The following USP34 variants were observed in gnomAD, a reference collection of about 807,000 sequenced individuals.
USP34 encodes the protein ubiquitin carboxyl-terminal hydrolase 34.
A neutral mutation model predicts 460.3 loss-of-function variants in USP34; 70 were observed. The ratio of observed to expected loss-of-function variants is 0.15; its 90% confidence interval spans 0.13 to 0.19. USP34 has a LOEUF of 0.19. USP34 is among the 10% of genes least tolerant of loss of function. The probability of loss-of-function intolerance (pLI) is 1.00; values close to 1 mark genes in which losing one functional copy is unlikely to be tolerated. For missense variants in USP34, 3,985 were observed against 4,236.2 expected (o/e 0.94, Z 1.65); for synonymous variants, 1,647 against 1,405.3 (o/e 1.17, Z -3.85).
At chr2:61,238,009 C>T (rs1007327710) in intron 53 of USP34, among the ~76,000 whole-genome samples, 1 of 151,892 alleles carries the variant, frequency 6.6e-6, no homozygotes, top group Non-Finnish European at 1.5e-5. Context: ...GATTCTCTTG[C>T]CTCAGCCTCC....
chr2:61,416,405 G>A lies in USP34; in HGVS notation c.131+4341C>T, dbSNP rs567814765. ...AAACCTGACAGAGAACCTCACCCTG[G>A]CTGGCGTCCAGAGTTCTTATATAGA... On this transcript the variant is annotated intron_variant, in intron 2 of 79. Coordinates refer to ENST00000398571, the MANE Select transcript of USP34 (RefSeq NM_014709.4). Among the ~76,000 whole-genome samples the A allele has an allele frequency of 5.3e-5, 8 of 152,222 alleles. No homozygotes were observed. In the South Asian group the frequency reaches 1.7e-3, roughly 32 times the overall value.
chr2:61,403,868 CTG>C (rs1193464682), intron 3 of USP34, among the ~76,000 whole-genome samples: 2 of 151,910 alleles, frequency 1.3e-5, no homozygotes, highest in East Asian at 3.9e-4. Context: ...TGGCGGGCAC[CTG>C]TACTCCCAGC....
chr2:61,213,711 C>A (rs1160078579), intron 68 of USP34, among the ~76,000 whole-genome samples: 1 of 152,172 alleles, frequency 6.6e-6, no homozygotes, highest in Non-Finnish European at 1.5e-5. Context: ...TGCTAAGTAT[C>A]TGATTTTTAA....
At chr2:61,212,374 G>GC (rs1284245684) in intron 68 of USP34, among the ~76,000 whole-genome samples, 1 of 152,258 alleles carries the variant, frequency 6.6e-6, no homozygotes, top group East Asian at 1.9e-4. Context: ...CCAGAGGCAT[G>GC]CCACACCATC....
intron 53 of USP34, among the ~76,000 whole-genome samples, chr2:61,238,192 A>G (rs1442335290): frequency 6.6e-6 from 1 of 152,060 alleles, no homozygotes; most frequent in East Asian, 1.9e-4. Flanking sequence ...CAACGTGCCC[A>G]GCCTTACCCT....
chr2:61,252,048 G>A (rs1270252792), intron 48 of USP34, among the ~76,000 whole-genome samples: 1 of 151,500 alleles, frequency 6.6e-6, no homozygotes, highest in African/African-American at 2.4e-5. Context: ...AAAATAAAAT[G>A]TTATGGTAGA....
intron 10 of USP34, among the ~76,000 whole-genome samples, chr2:61,364,330 C>T (rs1031658222): frequency 6.6e-6 from 1 of 152,200 alleles, no homozygotes; most frequent in Non-Finnish European, 1.5e-5. Flanking sequence ...TGTGCTGCTG[C>T]ATCCAGCCCA....
chr2:61,360,830 T>G (rs1490314425), intron 10 of USP34, among the ~76,000 whole-genome samples: 3 of 152,188 alleles, frequency 2.0e-5, no homozygotes, highest in Non-Finnish European at 2.9e-5. Context: ...TAGTTTTTTG[T>G]ATTTTTGGTA....
rs192668259 is a variant in USP34, at chr2:61,236,099, G to T, written c.6919-26C>A. The T allele has an allele frequency of 9.5e-4, 1,516 of 1,596,082 alleles. 1 individual carries two copies. Among genetic ancestry groups the T allele is most frequent in the Non-Finnish European group, 1.1e-3 (1,330 of 1,175,186 alleles). On this transcript the variant is annotated intron_variant, in intron 55 of 79. Coordinates refer to ENST00000398571, the MANE Select transcript of USP34 (RefSeq NM_014709.4). ...CTGTAAGAAAAGATAAAGCAAAAAAGCTTCAATCATTTTAAAGTAGTAAAT... is the reference window on the plus strand; with the variant it reads ...CTGTAAGAAAAGATAAAGCAAAAAATCTTCAATCATTTTAAAGTAGTAAAT...
At chr2:61,224,977 G>A (rs1480284107) in intron 62 of USP34, among the ~76,000 whole-genome samples, 1 of 152,066 alleles carries the variant, frequency 6.6e-6, no homozygotes, top group Non-Finnish European at 1.5e-5. Context: ...TTTTTCCAAG[G>A]AACCCCAATT....
intron 68 of USP34, 53 bp downstream of exon 68, chr2:61,214,006 AG>A: frequency 9.4e-6 from 15 of 1,592,640 alleles, no homozygotes; most frequent in Non-Finnish European, 1.3e-5. Flanking sequence ...GGGGAAAAAC[AG>A]GTATTTCCAA....
Position 61,350,595 on chromosome 2 carries a change from A to C in USP34, c.1350T>G (p.Ala450=). 2 of 1,613,078 alleles carry C rather than the reference A, an allele frequency of 1.2e-6. No homozygotes were observed. Among genetic ancestry groups the C allele is most frequent in the South Asian group, 2.2e-5 (2 of 90,766 alleles). The change falls in exon 11 of 80, where the codon GCT becomes GCG. Residue 450 remains alanine, a synonymous_variant. Coordinates refer to ENST00000398571, the MANE Select transcript of USP34 (RefSeq NM_014709.4). ...GTTCAGTATGAACACTTGGCTCAAG[A>C]GCTGAGACCAGATTAAGTAGATGTC... ...PLRHLLNLVS[A]LEPSVHTEQT...
At chr2:61,430,612 T>C (rs552281900) in intron 1 of USP34, among the ~76,000 whole-genome samples, 27 of 152,282 alleles carry the variant, frequency 1.8e-4, no homozygotes, top group African/African-American at 5.3e-4. Context: ...ACTAACCTTA[T>C]TGTATGTAAA....
At chr2:61,228,164 TATCTC>T (rs1321489141) in intron 61 of USP34, among the ~76,000 whole-genome samples, 1 of 152,214 alleles carries the variant, frequency 6.6e-6, no homozygotes, top group African/African-American at 2.4e-5. Flanking sequence ...AAAGGGTACT[TATCTC>T]TTATGGTTAA....
chr2:61,404,029 A>T (rs946808542), intron 3 of USP34, among the ~76,000 whole-genome samples: 11 of 149,720 alleles, frequency 7.3e-5, no homozygotes, highest in African/African-American at 2.7e-4. Context: ...GCTTTAGAAC[A>T]GTAAGGAAAG....
chr2:61,364,030 C>A (rs1362923224), intron 10 of USP34, among the ~76,000 whole-genome samples: 1 of 152,078 alleles, frequency 6.6e-6, no homozygotes, highest in Non-Finnish European at 1.5e-5. Flanking sequence ...TATTATGATT[C>A]CACTTATAGA....
At chr2:61,386,225 G>A (rs1693140771) in intron 5 of USP34, among the ~76,000 whole-genome samples, 1 of 152,066 alleles carries the variant, frequency 6.6e-6, no homozygotes, top group South Asian at 2.1e-4. Context: ...ACTTTTGGAG[G>A]CCAAGATGGA....
chr2:61,294,352 A>C (rs1485949084), intron 32 of USP34, among the ~76,000 whole-genome samples: 1 of 134,582 alleles, frequency 7.4e-6, no homozygotes, highest in Non-Finnish European at 1.6e-5. Context: ...TTTCAAAAAA[A>C]AAAAATTTAT....
rs544831535 is a variant in USP34 at position 61,340,370 on chromosome 2, T to C, written c.2501-689A>G. Among the ~76,000 whole-genome samples the C allele has an allele frequency of 2.6e-5, 4 of 152,322 alleles. No individual in the cohort carries two copies. The South Asian group carries it at 8.3e-4, about 32-fold the overall frequency. On this transcript the variant is annotated intron_variant, in intron 16 of 79. Coordinates refer to ENST00000398571, the MANE Select transcript of USP34 (RefSeq NM_014709.4). ...ATTATTAACAAAACTACCATAAACA[T>C]CTGTGTAACAAGTTTTGCATCATTT...
Sources: gnomAD v4.1 joint callset for allele counts (sites outside exome capture counted in the v4.1 genomes callset) on GRCh38, gnomAD v4.1.1 for gene constraint, MANE v1.5 for transcripts, NCBI Gene and HGNC (gene_info 2026-07-23, HGNC 2026-07-21) for gene names.